The following ADGRB3 variants were observed in gnomAD, a reference collection of about 807,000 sequenced individuals.
ADGRB3 encodes the protein adhesion G protein-coupled receptor B3.
A neutral mutation model predicts 193.4 loss-of-function variants in ADGRB3; 37 were observed. That is an observed-to-expected ratio of 0.19 (90% CI 0.15 to 0.25). The LOEUF is 0.25. ADGRB3 is among the 10% of genes least tolerant of loss of function. The pLI, the probability that ADGRB3 is intolerant of heterozygous loss-of-function variation, is 1.00. For synonymous variants in ADGRB3, 690 were observed against 644.2 expected (o/e 1.07, Z -1.08); for missense variants, 1,637 against 1,852.9 (o/e 0.88, Z 2.14).
chr6:69,146,034 C>T (rs1774482449), intron 17 of ADGRB3, among the ~76,000 whole-genome samples: 2 of 152,146 alleles, frequency 1.3e-5, no homozygotes, highest in African/African-American at 4.8e-5. Context: ...TAGGCCTTCC[C>T]CAGCTTGAAA....
intron 17 of ADGRB3, among the ~76,000 whole-genome samples, chr6:69,133,736 G>T (rs1385673165): frequency 6.6e-6 from 1 of 151,014 alleles, no homozygotes; most frequent in Non-Finnish European, 1.5e-5. Context: ...GTGTTTGGTT[G>T]CATGAAAAAG....
chr6:69,145,040 G>A (rs1305615982), intron 17 of ADGRB3, among the ~76,000 whole-genome samples: 1 of 152,152 alleles, frequency 6.6e-6, no homozygotes, highest in East Asian at 1.9e-4. Context: ...ATTGATATTA[G>A]TGTTACAGGA....
chr6:69,037,377 A>T lies in ADGRB3; in HGVS notation c.2108-10808A>T, dbSNP rs1290928276. On this transcript the variant is annotated intron_variant, in intron 13 of 31. Coordinates refer to ENST00000370598, the MANE Select transcript of ADGRB3 (RefSeq NM_001704.3). ...AATTGTCTGTGGCTGCCTTCACATCATAATTGCAGAGTTAGGTAGTTGCAA... is the reference window on the plus strand; with the variant it reads ...AATTGTCTGTGGCTGCCTTCACATCTTAATTGCAGAGTTAGGTAGTTGCAA... Among the ~76,000 whole-genome samples, 4 of 152,362 alleles carry T rather than the reference A, an allele frequency of 2.6e-5. No individual in the cohort carries two copies. In the East Asian group the frequency reaches 5.8e-4, roughly 22 times the overall value.
intron 20 of ADGRB3, among the ~76,000 whole-genome samples, chr6:69,261,378 A>G (rs1167601744): frequency 6.6e-6 from 1 of 152,118 alleles, no homozygotes; most frequent in East Asian, 1.9e-4. Flanking sequence ...GTTTATATAG[A>G]ATGAAGAACT....
intron 3 of ADGRB3, among the ~76,000 whole-genome samples, chr6:68,861,837 C>T (rs1765163635): frequency 6.6e-6 from 1 of 152,128 alleles, no homozygotes; most frequent in Non-Finnish European, 1.5e-5. Flanking sequence ...ACTTACCTCT[C>T]TGTGCTTCAG....
intron 17 of ADGRB3, among the ~76,000 whole-genome samples, chr6:69,196,107 A>G (rs1315832454): frequency 6.6e-6 from 1 of 152,154 alleles, no homozygotes; most frequent in African/African-American, 2.4e-5. Flanking sequence ...TGAGACTTAG[A>G]TAATGTTTGG....
chr6:68,858,688 C>G (rs1296727050), intron 3 of ADGRB3, among the ~76,000 whole-genome samples: 1 of 151,902 alleles, frequency 6.6e-6, no homozygotes, highest in Non-Finnish European at 1.5e-5. Flanking sequence ...AGAGCCATTA[C>G]CTTTGATAAG....
chr6:69,051,186 T>G (rs1389005708), intron 15 of ADGRB3, among the ~76,000 whole-genome samples: 1 of 152,124 alleles, frequency 6.6e-6, no homozygotes, highest in Non-Finnish European at 1.5e-5. Context: ...AATGGATACA[T>G]TATGGATGAT....
At chr6:68,684,125 T>C (rs1183242139) in intron 3 of ADGRB3, among the ~76,000 whole-genome samples, 1 of 152,194 alleles carries the variant, frequency 6.6e-6, no homozygotes, top group African/African-American at 2.4e-5. Flanking sequence ...GCTTGGAATG[T>C]TAGTTTTCAA....
intron 30 of ADGRB3, among the ~76,000 whole-genome samples, chr6:69,376,836 T>A (rs745743530): frequency 6.6e-6 from 1 of 152,062 alleles, no homozygotes; most frequent in Non-Finnish European, 1.5e-5. Flanking sequence ...AATAGCCATC[T>A]TTTTTTATAT....
At chr6:68,669,604 T>TTGTGTGTGTG (rs59849376) in intron 3 of ADGRB3, among the ~76,000 whole-genome samples, 42 of 134,748 alleles carry the variant, frequency 3.1e-4, no homozygotes, top group Non-Finnish European at 5.3e-4. Context: ...TAATACTCCA[T>TTGTGTGTGTG]TGTGTGTGTG....
chr6:69,139,608 T>C (rs1774263194), intron 17 of ADGRB3, among the ~76,000 whole-genome samples: 1 of 152,234 alleles, frequency 6.6e-6, no homozygotes, highest in Non-Finnish European at 1.5e-5. Flanking sequence ...TTTACTATTA[T>C]GTGGCATTCA....
chr6:68,949,257 G>A (rs1273086684), intron 6 of ADGRB3, among the ~76,000 whole-genome samples: 2 of 152,032 alleles, frequency 1.3e-5, no homozygotes. Flanking sequence ...CCTCATACAA[G>A]CTGTGTCAGT....
intron 13 of ADGRB3, among the ~76,000 whole-genome samples, chr6:69,046,858 G>A (rs1413521392): frequency 6.6e-6 from 1 of 151,922 alleles, no homozygotes; most frequent in Non-Finnish European, 1.5e-5. Context: ...GGAGTGTAAT[G>A]AATTATTTAT....
At chr6:68,692,925 T>C (rs1316868325) in intron 3 of ADGRB3, among the ~76,000 whole-genome samples, 2 of 151,302 alleles carry the variant, frequency 1.3e-5, no homozygotes, top group Non-Finnish European at 3.0e-5. Context: ...TAGATATAGA[T>C]ACAGATTCGT....
At chr6:68,942,481 CA>C (rs556267333) in intron 5 of ADGRB3, among the ~76,000 whole-genome samples, 1 of 152,140 alleles carries the variant, frequency 6.6e-6, no homozygotes, top group East Asian at 1.9e-4. Flanking sequence ...AGCTTTTGAA[CA>C]AAAAAGCACA....
chr6:68,840,141 G>A (rs1768123482), intron 3 of ADGRB3, among the ~76,000 whole-genome samples: 1 of 152,104 alleles, frequency 6.6e-6, no homozygotes, highest in Non-Finnish European at 1.5e-5. Context: ...CACAAAGACT[G>A]CAACTCCTAA....
At chr6:68,727,869 C>T (rs1765701695) in intron 3 of ADGRB3, among the ~76,000 whole-genome samples, 1 of 151,512 alleles carries the variant, frequency 6.6e-6, no homozygotes, top group Non-Finnish European at 1.5e-5. Context: ...CGTTCTCATC[C>T]TCAATCAGCT....
At chr6:69,161,008 T>C (rs1221094312) in intron 17 of ADGRB3, among the ~76,000 whole-genome samples, 1 of 152,068 alleles carries the variant, frequency 6.6e-6, no homozygotes, top group African/African-American at 2.4e-5. Context: ...CAGTTACTAG[T>C]ATGGTAACTG....
Sources: gnomAD v4.1 joint callset for allele counts (sites outside exome capture counted in the v4.1 genomes callset) on GRCh38, gnomAD v4.1.1 for gene constraint, MANE v1.5 for transcripts, NCBI Gene and HGNC (gene_info 2026-07-23, HGNC 2026-07-21) for gene names.